CPNE2: variants seen among roughly 807,000 people sequenced by gnomAD.
CPNE2 encodes copine 2.
Under a neutral mutation model 69.7 loss-of-function variants are expected in CPNE2, and 42 were observed. The observed-to-expected ratio is 0.60, with a 90% CI of 0.47 to 0.78. The LOEUF (loss-of-function observed/expected upper bound fraction) is 0.78, where lower values mean the gene tolerates loss of function less well. Ranked by LOEUF, CPNE2 falls within the 30% of genes least tolerant of loss-of-function variation. CPNE2 has a pLI of 0.00. For missense variants in CPNE2, 587 were observed against 732.0 expected, an observed-to-expected ratio of 0.80 and a Z score of 2.29; for synonymous variants, 294 against 289.8, an observed-to-expected ratio of 1.01 and a Z score of -0.15.
At chr16:57,106,327 A>G (rs2069648510) in intron 1 of CPNE2, among the ~76,000 whole-genome samples, 1 of 151,858 alleles carries the variant, frequency 6.6e-6, no homozygotes, top group Non-Finnish European at 1.5e-5. Flanking sequence ...TGCCCCTGTG[A>G]CCTGTCCCTC....
intron 1 of CPNE2, among the ~76,000 whole-genome samples, chr16:57,095,464 T>G (rs932761470): frequency 8.5e-5 from 13 of 152,208 alleles, no homozygotes; most frequent in Admixed American, 3.3e-4. Flanking sequence ...TTTCTTCCTT[T>G]TTTTATTTTT....
At chr16:57,120,210 T>C (rs2069751322) in intron 7 of CPNE2, among the ~76,000 whole-genome samples, 1 of 151,118 alleles carries the variant, frequency 6.6e-6, no homozygotes, top group Non-Finnish European at 1.5e-5. Context: ...GAGGCGGAGG[T>C]TGCAGAGCCC....
intron 10 of CPNE2, chr16:57,124,693 T>C (rs905909564): frequency 2.7e-5 from 7 of 255,482 alleles, no homozygotes; most frequent in Non-Finnish European, 4.8e-5. Flanking sequence ...GGGAGGAAGC[T>C]GCTGGGGTGC....
At chr16:57,109,150 A>C (rs1359767000) in intron 1 of CPNE2, among the ~76,000 whole-genome samples, 1 of 152,192 alleles carries the variant, frequency 6.6e-6, no homozygotes, top group Non-Finnish European at 1.5e-5. Flanking sequence ...ATTCAGGACG[A>C]GTCCATAAAG....
rs2069629451 is a variant in CPNE2, at chr16:57,103,612, C to T, written c.-35-7096C>T. ...ACCATCCAGCAGCTCTTCTCCCCTT[C>T]GGGGTTACCAGGCCTCCTCCTGGGC... On this transcript the variant is annotated intron_variant, in intron 1 of 15. Coordinates refer to ENST00000290776, the MANE Select transcript of CPNE2 (RefSeq NM_152727.6). 2.0e-5 allele frequency among the ~76,000 whole-genome samples: 3 copies of T among 152,342 alleles called. No individual in the cohort carries two copies. The East Asian group carries it at 5.8e-4, about 29-fold the overall frequency.
At chr16:57,094,584 T>C (rs1212716952) in intron 1 of CPNE2, among the ~76,000 whole-genome samples, 1 of 152,192 alleles carries the variant, frequency 6.6e-6, no homozygotes, top group Admixed American at 6.5e-5. Context: ...AATTGTGTAT[T>C]TCTGCAAAGG....
chr16:57,098,725 C>T (rs898985549), intron 1 of CPNE2, among the ~76,000 whole-genome samples: 1 of 152,196 alleles, frequency 6.6e-6, no homozygotes, highest in Admixed American at 6.5e-5. Flanking sequence ...TTTCACTCTT[C>T]CTCATTTTCA....
At chr16:57,131,468 C>T (rs1597502541) in intron 12 of CPNE2, among the ~76,000 whole-genome samples, 1 of 152,222 alleles carries the variant, frequency 6.6e-6, no homozygotes, top group South Asian at 2.1e-4. Context: ...TGATGCCATT[C>T]GGGGGGCAGG....
chr16:57,117,860 T>C (rs1267446340), intron 5 of CPNE2, among the ~76,000 whole-genome samples: 1 of 152,172 alleles, frequency 6.6e-6, no homozygotes. Context: ...CCCTGCCTGA[T>C]GTGTCCCCAG....
intron 2 of CPNE2, among the ~76,000 whole-genome samples, chr16:57,111,459 T>C (rs2069681773): frequency 6.6e-6 from 1 of 152,250 alleles, no homozygotes; most frequent in Admixed American, 6.5e-5. Context: ...ATTACAGGCA[T>C]GAACCACCAC....
intron 5 of CPNE2, among the ~76,000 whole-genome samples, chr16:57,118,720 A>G (rs150923209): frequency 2.1e-3 from 313 of 152,186 alleles, no homozygotes; most frequent in African/African-American, 6.9e-3. Context: ...AGTGAGTCAC[A>G]TACAAAAAGT....
intron 7 of CPNE2, among the ~76,000 whole-genome samples, chr16:57,120,254 GA>G (rs1407318694): frequency 1.4e-5 from 2 of 144,488 alleles, no homozygotes; most frequent in Non-Finnish European, 3.0e-5. Flanking sequence ...ATGGGTAACA[GA>G]GCAAGATTCT....
chr16:57,099,404 A>G (rs2069598604), intron 1 of CPNE2, among the ~76,000 whole-genome samples: 1 of 152,116 alleles, frequency 6.6e-6, no homozygotes, highest in African/African-American at 2.4e-5. Context: ...TAGCACTGCC[A>G]TGAACATTCC....
At chr16:57,125,439 G>A (rs2069793654) in intron 10 of CPNE2, 37 of 438,190 alleles carry the variant, frequency 8.4e-5, no homozygotes, top group South Asian at 5.7e-4. Context: ...TGGGAAGGTT[G>A]CAGTGGAGCA....
Position 57,147,668 on chromosome 16 carries a change from C to G in CPNE2, c.*10C>G, listed in dbSNP as rs779386088. The G allele has an allele frequency of 6.3e-7, 1 of 1,584,564 alleles. No individual in the cohort carries two copies. Among genetic ancestry groups the G allele is most frequent in the South Asian group, 1.1e-5 (1 of 87,812 alleles). ...CTCGGAGCCCGCCTGAGCTCCAGTGCCCAGCAGCAGCATGTCAGCTGAGCC... is the reference window on the plus strand; with the variant it reads ...CTCGGAGCCCGCCTGAGCTCCAGTGGCCAGCAGCAGCATGTCAGCTGAGCC... On this transcript the variant is annotated 3_prime_UTR_variant, in exon 16 of 16. Coordinates refer to ENST00000290776, the MANE Select transcript of CPNE2 (RefSeq NM_152727.6).
intron 7 of CPNE2, among the ~76,000 whole-genome samples, 170 bp downstream of exon 7, chr16:57,119,820 G>A (rs1321894019): frequency 2.6e-5 from 4 of 152,244 alleles, no homozygotes; most frequent in African/African-American, 9.6e-5. Flanking sequence ...GGATCTATCT[G>A]ATGCCCTGAA....
At chr16:57,132,274 C>T (rs904848424) in intron 12 of CPNE2, among the ~76,000 whole-genome samples, 3 of 152,164 alleles carry the variant, frequency 2.0e-5, no homozygotes, top group African/African-American at 2.4e-5. Flanking sequence ...TCTCAGGACG[C>T]GTTTCCCTTT....
chr16:57,115,669 C>A, intron 4 of CPNE2, 119 bp downstream of exon 4: 1 of 660,178 alleles, frequency 1.5e-6, no homozygotes, highest in Non-Finnish European at 2.5e-6. Context: ...AAAGGCCCAA[C>A]TTACAACTTA....
At chr16:57,145,043 A>G (rs1409079325) in intron 14 of CPNE2, 2 of 152,138 alleles carry the variant, frequency 1.3e-5, no homozygotes, top group Non-Finnish European at 2.9e-5. Context: ...CCCCGGCCCC[A>G]CTTCACAGTT....
Sources: allele counts gnomAD v4.1 joint callset (sites outside exome capture counted in the v4.1 genomes callset), GRCh38; gene constraint gnomAD v4.1.1; transcripts MANE v1.5; gene names NCBI Gene and HGNC (gene_info 2026-07-23, HGNC 2026-07-21).